TNS3: variants seen among roughly 807,000 people sequenced by gnomAD.
TNS3 encodes tensin-3.
TNS3 carries 45 observed loss-of-function variants against 140.9 expected under a neutral mutation model. The observed-to-expected ratio is 0.32, with a 90% CI of 0.25 to 0.41. TNS3 has a LOEUF of 0.41. Ranked by LOEUF, TNS3 falls within the 10% of genes least tolerant of loss-of-function variation. The pLI is 1.00. For missense variants in TNS3, 1,716 were observed against 1,906.7 expected (o/e 0.90, Z 1.86); for synonymous variants, 815 against 788.4 (o/e 1.03, Z -0.56).
chr7:47,384,868 C>T (rs13243544), intron 16 of TNS3, among the ~76,000 whole-genome samples: 4,378 of 152,334 alleles, frequency 0.029, 111 homozygotes, highest in Middle Eastern at 0.085. Context: ...CACGTCCATG[C>T]CCCTGCTGAT....
At chr7:47,316,749 G>C (rs1787436032) in intron 20 of TNS3, among the ~76,000 whole-genome samples, 1 of 143,158 alleles carries the variant, frequency 7.0e-6, no homozygotes, top group Admixed American at 7.1e-5. Flanking sequence ...CTGCACTCCA[G>C]CCTGGGCAAC....
chr7:47,532,063 GC>G (rs57977999), intron 1 of TNS3, among the ~76,000 whole-genome samples: 84,155 of 151,462 alleles, frequency 0.56, 23,731 homozygotes, highest in Middle Eastern at 0.72. Context: ...CGCATGGGAA[GC>G]CCCCCCCCGC....
At position 47,540,843 on chromosome 7, in the gene TNS3, C is replaced by T. The variant is rs1459140657; in HGVS notation, c.-264-11696G>A. Reference sequence around the variant, plus strand: ...CTGAGGGTAGACAGGGCTCAAGAAGCAAGTACAGGGTGGTGAGCAGGATTG... The same window carrying T: ...CTGAGGGTAGACAGGGCTCAAGAAGTAAGTACAGGGTGGTGAGCAGGATTG... On this transcript the variant is annotated intron_variant, in intron 1 of 30. Coordinates refer to ENST00000311160, the MANE Select transcript of TNS3 (RefSeq NM_022748.12). Among the ~76,000 whole-genome samples the T allele has an allele frequency of 2.0e-5, 3 of 152,280 alleles. No individual in the cohort carries two copies. The East Asian group carries it at 5.8e-4, about 29-fold the overall frequency.
intron 10 of TNS3, among the ~76,000 whole-genome samples, chr7:47,416,477 C>T (rs1039025167): frequency 7.9e-5 from 12 of 152,182 alleles, no homozygotes; most frequent in Non-Finnish European, 1.2e-4. Flanking sequence ...GTTAGAAAAG[C>T]GAGTTTGCTT....
At chr7:47,478,567 T>G (rs884479) in intron 4 of TNS3, among the ~76,000 whole-genome samples, 80,563 of 151,980 alleles carry the variant, frequency 0.53, 24,425 homozygotes, top group East Asian at 0.68. Flanking sequence ...CTACACACAT[T>G]AATAATTACA....
chr7:47,381,641 A>C (rs117407514), intron 16 of TNS3, among the ~76,000 whole-genome samples: 2,237 of 152,354 alleles, frequency 0.015, 25 homozygotes, highest in Non-Finnish European at 0.023. Context: ...AAGTGCACGC[A>C]GAGGGTAACA....
chr7:47,392,399 G>A (rs1306816593), intron 16 of TNS3, among the ~76,000 whole-genome samples: 1 of 152,196 alleles, frequency 6.6e-6, no homozygotes, highest in Non-Finnish European at 1.5e-5. Flanking sequence ...AGCTGCAGAG[G>A]GCTCCATTCC....
chr7:47,518,321 C>G (rs964525192), intron 2 of TNS3, among the ~76,000 whole-genome samples: 1 of 152,140 alleles, frequency 6.6e-6, no homozygotes, highest in Admixed American at 6.5e-5. Flanking sequence ...AAGGTCCCTC[C>G]GCCGATGTCA....
intron 20 of TNS3, among the ~76,000 whole-genome samples, chr7:47,340,585 C>CTTTTTTTTTTTTTTTTTTTTT (rs774726583): frequency 1.2e-4 from 16 of 134,850 alleles, no homozygotes; most frequent in African/African-American, 3.9e-4. Flanking sequence ...TCTTTTTTTT[C>CTTTTTTTTTTTTTTTTTTTTT]TTTTTTTTTT....
Position 47,576,231 on chromosome 7 carries a change from C to T in TNS3, c.-265+5820G>A, listed in dbSNP as rs548480625. On this transcript the variant is annotated intron_variant, in intron 1 of 30. Transcript: ENST00000311160. ...AGGACCACAAGGTGCTTTTCAGGCC[C>T]CTGGGGCCATGGAAATTCAGCAGGA... 2.0e-5 allele frequency among the ~76,000 whole-genome samples: 3 copies of T among 152,298 alleles called. No individual in the cohort carries two copies. In the East Asian group the frequency reaches 5.8e-4, roughly 29 times the overall value.
At chr7:47,406,903 G>A (rs973334443) in intron 13 of TNS3, among the ~76,000 whole-genome samples, 3 of 152,174 alleles carry the variant, frequency 2.0e-5, no homozygotes, top group South Asian at 4.1e-4. Flanking sequence ...TGAAGGCGGC[G>A]TGGGCATCCT....
chr7:47,480,980 G>A (rs1797393598), intron 4 of TNS3, 123 bp downstream of exon 4: 2 of 636,744 alleles, frequency 3.1e-6, no homozygotes, highest in South Asian at 1.7e-5. Context: ...CAAGCTACAG[G>A]TCAAAGGGAG....
chr7:47,446,995 T>C (rs1485232920), intron 4 of TNS3, among the ~76,000 whole-genome samples: 1 of 152,078 alleles, frequency 6.6e-6, no homozygotes, highest in East Asian at 1.9e-4. Flanking sequence ...GCCAGACTGC[T>C]CTTTAGAAGC....
At chr7:47,376,597 A>AT (rs906875876) in intron 16 of TNS3, among the ~76,000 whole-genome samples, 6 of 151,930 alleles carry the variant, frequency 3.9e-5, no homozygotes, top group African/African-American at 1.2e-4. Flanking sequence ...AACATTAACG[A>AT]TTTTTTTTAC....
chr7:47,311,759 A>G (rs934002198), intron 20 of TNS3, among the ~76,000 whole-genome samples: 1 of 152,348 alleles, frequency 6.6e-6, no homozygotes, highest in African/African-American at 2.4e-5. Flanking sequence ...ATTGGAAAAT[A>G]TACATACTGA....
At chr7:47,515,280 C>T (rs1257138525) in intron 2 of TNS3, among the ~76,000 whole-genome samples, 2 of 152,200 alleles carry the variant, frequency 1.3e-5, no homozygotes, top group Non-Finnish European at 1.5e-5. Flanking sequence ...GGTAGAAATA[C>T]TGGCCTGCAT....
At chr7:47,328,076 G>A (rs898893049) in intron 20 of TNS3, among the ~76,000 whole-genome samples, 5 of 152,188 alleles carry the variant, frequency 3.3e-5, no homozygotes, top group South Asian at 2.1e-4. Flanking sequence ...GCAGCCCTAC[G>A]TGGTGAGCAG....
chr7:47,397,481 G>A (rs1452796016), intron 15 of TNS3, among the ~76,000 whole-genome samples: 1 of 152,160 alleles, frequency 6.6e-6, no homozygotes, highest in Admixed American at 6.5e-5. Context: ...ATGATAAAGG[G>A]ACTGGTTTCT....
At chr7:47,555,520 A>T (rs540803759) in intron 1 of TNS3, among the ~76,000 whole-genome samples, 1 of 152,208 alleles carries the variant, frequency 6.6e-6, no homozygotes, top group Non-Finnish European at 1.5e-5. Context: ...ATAAAATGCT[A>T]TTAAACACCA....
Sources: gnomAD v4.1 joint callset for allele counts (sites outside exome capture counted in the v4.1 genomes callset) on GRCh38, gnomAD v4.1.1 for gene constraint, MANE v1.5 for transcripts, NCBI Gene and HGNC (gene_info 2026-07-23, HGNC 2026-07-21) for gene names.